DISC1: variants seen among roughly 807,000 people sequenced by gnomAD.
The protein encoded by DISC1 is disrupted in schizophrenia 1 protein.
In DISC1, 57 loss-of-function variants were observed where a neutral mutation model predicts 84.5. The ratio of observed to expected loss-of-function variants is 0.67; its 90% CI spans 0.55 to 0.84. DISC1 has a LOEUF of 0.84. Among genes scored for constraint, DISC1 ranks in the 40% least tolerant of loss-of-function variants. DISC1 has a pLI of 0.00. For synonymous variants in DISC1, 411 were observed against 415.2 expected, an observed-to-expected ratio of 0.99 and a Z score of 0.12; for missense variants, 1,000 against 1,057.8, an observed-to-expected ratio of 0.95 and a Z score of 0.76.
chr1:231,691,946 G>T (rs547386236), intron 1 of DISC1, among the ~76,000 whole-genome samples: 6 of 152,268 alleles, frequency 3.9e-5, no homozygotes, highest in Non-Finnish European at 8.8e-5. Flanking sequence ...GCTTCAACTT[G>T]CATGGCCTCT....
chr1:231,652,835 A>G (rs1049584734), intron 1 of DISC1, among the ~76,000 whole-genome samples: 1 of 152,132 alleles, frequency 6.6e-6, no homozygotes, highest in Non-Finnish European at 1.5e-5. Flanking sequence ...GCTGGAGTGC[A>G]GTGGCACGAT....
intron 9 of DISC1, among the ~76,000 whole-genome samples, chr1:231,842,773 C>G (rs12120638): frequency 0.044 from 6,648 of 152,082 alleles, 186 homozygotes; most frequent in Middle Eastern, 0.075. Flanking sequence ...AATGGTGGGT[C>G]CAGGTTTTGT....
At chr1:231,759,094 A>G (rs1370047640) in intron 4 of DISC1, among the ~76,000 whole-genome samples, 2 of 152,180 alleles carry the variant, frequency 1.3e-5, no homozygotes, top group African/African-American at 4.8e-5. Flanking sequence ...TCCCACTAGC[A>G]TGCTTCCTTT....
chr1:231,700,096 C>G (rs986158635), intron 2 of DISC1, among the ~76,000 whole-genome samples: 19 of 152,174 alleles, frequency 1.2e-4, no homozygotes, highest in Non-Finnish European at 2.2e-4. Context: ...GCAACCTCTA[C>G]CCTCTACCAG....
At chr1:231,633,558 A>C (rs933170334) in intron 1 of DISC1, among the ~76,000 whole-genome samples, 1 of 152,148 alleles carries the variant, frequency 6.6e-6, no homozygotes, top group African/African-American at 2.4e-5. Context: ...TCCCTTGCCC[A>C]GGTGGTTCCA....
chr1:231,719,469 T>G (rs1294907337), intron 3 of DISC1, among the ~76,000 whole-genome samples: 1 of 152,254 alleles, frequency 6.6e-6, no homozygotes, highest in African/African-American at 2.4e-5. Context: ...TCAACCTTGT[T>G]AAAAACCTGA....
At chr1:231,757,726 G>A (rs2075278430) in intron 4 of DISC1, among the ~76,000 whole-genome samples, 1 of 152,118 alleles carries the variant, frequency 6.6e-6, no homozygotes, top group African/African-American at 2.4e-5. Context: ...ACAACAAATG[G>A]TATATGCTCA....
chr1:231,649,693 A>C (rs2060451627), intron 1 of DISC1, among the ~76,000 whole-genome samples: 1 of 152,128 alleles, frequency 6.6e-6, no homozygotes, highest in African/African-American at 2.4e-5. Context: ...TGGGAGTCTA[A>C]GTCTCTTTGC....
At chr1:231,741,725 A>G (rs1199966006) in intron 3 of DISC1, among the ~76,000 whole-genome samples, 1 of 152,160 alleles carries the variant, frequency 6.6e-6, no homozygotes, top group Non-Finnish European at 1.5e-5. Flanking sequence ...CTGGATGTGG[A>G]GGAAGAATGA....
At chr1:231,988,261 G>A (rs565687480) in intron 10 of DISC1, among the ~76,000 whole-genome samples, 2 of 152,206 alleles carry the variant, frequency 1.3e-5, no homozygotes, top group African/African-American at 4.8e-5. Flanking sequence ...ACATCACATG[G>A]GTGTATTTAA....
rs752058193 is a variant in DISC1, at chr1:231,826,848, T to C, written c.1981+8331T>C. ...GATTGATACATTACTCAGTTCCTGG[T>C]AAAGAAGTAGTTAGAAGCCCTGTTT... On this transcript the variant is annotated intron_variant, in intron 9 of 12. Coordinates refer to ENST00000439617, the MANE Select transcript of DISC1 (RefSeq NM_018662.3). The surrounding 1 kb of genome is among the most constrained non-coding windows in gnomAD (Gnocchi z 4.2). Among the ~76,000 whole-genome samples the C allele has an allele frequency of 2.0e-5, 3 of 152,248 alleles. No individual in the cohort carries two copies. Among genetic ancestry groups the C allele is most frequent in the Admixed American group, 6.5e-5 (1 of 15,286 alleles).
chr1:231,694,263 A>C lies in DISC1; in HGVS notation c.505A>C (p.Arg169=). The C allele has an allele frequency of 6.2e-7, 1 of 1,614,244 alleles. No homozygotes were observed. Among genetic ancestry groups the C allele is most frequent in the Non-Finnish European group, 8.5e-7 (1 of 1,180,044 alleles). Residue 169 remains arginine, a synonymous_variant, in exon 2 of 13, where the codon AGG becomes CGG. Coordinates refer to ENST00000439617, the MANE Select transcript of DISC1 (RefSeq NM_018662.3). ...SWEAACSDGA[R]RVRAAGSLPS... ...GGAGGCAGCCTGCAGCGATGGAGCA[A>C]GGCGTGTCCGGGCAGCAGGCTCTCT...
At chr1:231,915,201 G>T (rs1277676543) in intron 9 of DISC1, among the ~76,000 whole-genome samples, 1 of 152,108 alleles carries the variant, frequency 6.6e-6, no homozygotes, top group East Asian at 1.9e-4. Flanking sequence ...TCATATGAAA[G>T]CACAGATAGG....
At chr1:232,019,304 AG>A (rs200819238) in intron 11 of DISC1, among the ~76,000 whole-genome samples, 3,568 of 152,320 alleles carry the variant, frequency 0.023, 60 homozygotes, top group Non-Finnish European at 0.034. Context: ...TCTGACCCAC[AG>A]GGAAAACAAT....
At chr1:231,642,288 C>T (rs1216252545) in intron 1 of DISC1, among the ~76,000 whole-genome samples, 1 of 152,254 alleles carries the variant, frequency 6.6e-6, no homozygotes, top group Non-Finnish European at 1.5e-5. Context: ...CGCGCCTCTC[C>T]CTCCACACCT....
chr1:231,823,664 T>C (rs186406387), intron 9 of DISC1, among the ~76,000 whole-genome samples: 67 of 152,276 alleles, frequency 4.4e-4, no homozygotes, highest in Admixed American at 3.9e-4. Context: ...TTATTTTAGG[T>C]TCAGGAATAC....
intron 3 of DISC1, among the ~76,000 whole-genome samples, chr1:231,716,750 TA>T (rs1283609127): frequency 6.6e-6 from 1 of 152,194 alleles, no homozygotes; most frequent in Non-Finnish European, 1.5e-5. Context: ...GGCTAAGGTG[TA>T]ATTCTCAGGT....
rs571157999 is a variant in DISC1 at position 231,754,466 on chromosome 1, A to T, written c.1268+4390A>T. Among the ~76,000 whole-genome samples the T allele has an allele frequency of 9.9e-5, 15 of 152,268 alleles. No individual in the cohort carries two copies. In the East Asian group the frequency reaches 2.7e-3, roughly 27 times the overall value. On this transcript the variant is annotated intron_variant, in intron 4 of 12. Coordinates refer to ENST00000439617, the MANE Select transcript of DISC1 (RefSeq NM_018662.3). ...AAATGGGAGGTATTACTCACTTTTA[A>T]ACATCCAGACCTTGTGAGAACTCTA...
intron 3 of DISC1, among the ~76,000 whole-genome samples, chr1:231,725,550 C>A (rs917924150): frequency 6.6e-6 from 1 of 152,200 alleles, no homozygotes; most frequent in Non-Finnish European, 1.5e-5. Flanking sequence ...GGAATAAACA[C>A]AGTTCCGAGA....
Sources: gnomAD v4.1 joint callset for allele counts (sites outside exome capture counted in the v4.1 genomes callset) on GRCh38, gnomAD v4.1.1 for gene constraint, Gnocchi (gnomAD v3.1) non-coding constraint, MANE v1.5 for transcripts, NCBI Gene and HGNC (gene_info 2026-07-23, HGNC 2026-07-21) for gene names.